NAV2: variants seen among roughly 807,000 people sequenced by gnomAD.
The protein encoded by NAV2 is neuron navigator 2.
Under a neutral mutation model 223.2 loss-of-function variants are expected in NAV2, and 54 were observed. That is an observed-to-expected ratio of 0.24 (90% confidence interval 0.19 to 0.30). The LOEUF is 0.30. Ranked by LOEUF, NAV2 falls within the 10% of genes least tolerant of loss-of-function variation. The pLI, the probability that NAV2 is intolerant of heterozygous loss-of-function variation, is 1.00. For missense variants in NAV2, 2,806 were observed against 3,147.5 expected (o/e 0.89, Z 2.60); for synonymous variants, 1,279 against 1,239.3 (o/e 1.03, Z -0.67).
chr11:19,979,668 C>G (rs1319833017), intron 10 of NAV2, among the ~76,000 whole-genome samples: 1 of 152,152 alleles, frequency 6.6e-6, no homozygotes, highest in African/African-American at 2.4e-5. Flanking sequence ...ATGTCTTAGT[C>G]CCTAGTAGGT....
At chr11:20,045,873 A>T (rs530251940) in intron 14 of NAV2, among the ~76,000 whole-genome samples, 6 of 152,328 alleles carry the variant, frequency 3.9e-5, no homozygotes, top group South Asian at 2.1e-4. Context: ...GGAATCAATC[A>T]TCTTAGAATC....
At chr11:19,853,783 G>T (rs908046475) in intron 3 of NAV2, among the ~76,000 whole-genome samples, 1 of 151,922 alleles carries the variant, frequency 6.6e-6, no homozygotes, top group Non-Finnish European at 1.5e-5. Flanking sequence ...TGAACGTCTG[G>T]GGTGATAATT....
chr11:19,805,123 A>G (rs1478996447), intron 1 of NAV2, among the ~76,000 whole-genome samples: 1 of 152,172 alleles, frequency 6.6e-6, no homozygotes, highest in African/African-American at 2.4e-5. Flanking sequence ...TCTGGCCCTC[A>G]TTTGAATCTG....
At chr11:19,922,505 C>T (rs372270837) in intron 6 of NAV2, among the ~76,000 whole-genome samples, 4 of 152,092 alleles carry the variant, frequency 2.6e-5, no homozygotes, top group African/African-American at 4.8e-5. Flanking sequence ...TTTTGAACTT[C>T]GGTATCTATT....
intron 22 of NAV2, among the ~76,000 whole-genome samples, chr11:20,071,013 C>T (rs1021405934): frequency 2.0e-5 from 3 of 151,944 alleles, no homozygotes; most frequent in African/African-American, 4.8e-5. Context: ...TGTGCAGGTT[C>T]GTTACGTACG....
intron 11 of NAV2, among the ~76,000 whole-genome samples, chr11:20,034,212 C>G (rs1226749164): frequency 6.9e-6 from 1 of 144,312 alleles, no homozygotes; most frequent in Admixed American, 7.1e-5. Flanking sequence ...TTTTCTAAGC[C>G]TCACTTTCTC....
chr11:19,547,763 G>T (rs1334764176), intron 1 of NAV2, among the ~76,000 whole-genome samples: 1 of 152,160 alleles, frequency 6.6e-6, no homozygotes, highest in Non-Finnish European at 1.5e-5. Flanking sequence ...TAATGACAAT[G>T]ATAGTGGTAG....
chr11:19,932,216 G>T (rs1233498927), intron 6 of NAV2, among the ~76,000 whole-genome samples: 1 of 105,698 alleles, frequency 9.5e-6, no homozygotes, highest in Non-Finnish European at 1.7e-5. Flanking sequence ...TGAACCCATT[G>T]CATAGATTAC....
chr11:19,538,140 T>C (rs2044240674), intron 1 of NAV2, among the ~76,000 whole-genome samples: 1 of 152,182 alleles, frequency 6.6e-6, no homozygotes. Context: ...TGGTTTGTTT[T>C]TTCTGGTTCC....
chr11:19,883,571 A>C (rs1352425351), intron 5 of NAV2, among the ~76,000 whole-genome samples: 1 of 152,194 alleles, frequency 6.6e-6, no homozygotes. Flanking sequence ...CTGTCTCTTC[A>C]CTGCCTAAGA....
At chr11:19,410,231 G>A (rs748305563) in intron 1 of NAV2, among the ~76,000 whole-genome samples, 13 of 152,176 alleles carry the variant, frequency 8.5e-5, no homozygotes, top group African/African-American at 2.2e-4. Flanking sequence ...TTTTTGTTTC[G>A]CTTCCTCCTC....
intron 6 of NAV2, among the ~76,000 whole-genome samples, chr11:19,930,675 G>A (rs907466969): frequency 9.9e-5 from 15 of 152,096 alleles, no homozygotes; most frequent in African/African-American, 3.6e-4. Context: ...CACATATTAG[G>A]AGCTCAAAGA....
chr11:19,738,215 G>A (rs894635294), intron 1 of NAV2, among the ~76,000 whole-genome samples: 77 of 152,212 alleles, frequency 5.1e-4, no homozygotes, highest in African/African-American at 1.8e-3. Flanking sequence ...CCCTCAGGGG[G>A]CCAGTGACAT....
intron 1 of NAV2, among the ~76,000 whole-genome samples, chr11:19,480,924 A>G (rs1264419077): frequency 1.3e-5 from 2 of 152,172 alleles, no homozygotes; most frequent in Non-Finnish European, 2.9e-5. Flanking sequence ...GGGACTGCTT[A>G]CTGGCTAATC....
chr11:19,599,856 T>C lies in NAV2; in HGVS notation c.76-232628T>C, dbSNP rs537149386. Among the ~76,000 whole-genome samples, 8 of 152,326 alleles carry C rather than the reference T, an allele frequency of 5.3e-5. No homozygotes were observed. The South Asian group carries it at 1.0e-3, about 20-fold the overall frequency. Reference sequence around the variant, plus strand: ...TTCCCTTCACTACGAGGGCTGATGCTCTTCTCCTGGCAGTATCTGCCCAGA... The same window carrying C: ...TTCCCTTCACTACGAGGGCTGATGCCCTTCTCCTGGCAGTATCTGCCCAGA... On this transcript the variant is annotated intron_variant, in intron 1 of 37. Transcript: ENST00000360655.
chr11:19,768,135 G>A (rs557982324), intron 1 of NAV2, among the ~76,000 whole-genome samples: 11 of 152,330 alleles, frequency 7.2e-5, no homozygotes, highest in African/African-American at 1.2e-4. Context: ...TTCTTCATCC[G>A]GGATGGGCGT....
chr11:19,511,906 C>T (rs1412251960), intron 1 of NAV2, among the ~76,000 whole-genome samples: 1 of 152,180 alleles, frequency 6.6e-6, no homozygotes, highest in African/African-American at 2.4e-5. Flanking sequence ...ACACATCAAG[C>T]CCAGCCTGAA....
intron 1 of NAV2, among the ~76,000 whole-genome samples, chr11:19,782,234 T>C (rs564367906): frequency 6.6e-6 from 1 of 152,346 alleles, no homozygotes; most frequent in South Asian, 2.1e-4. Context: ...CTGTGGGTAA[T>C]GAGCCCTCAT....
intron 1 of NAV2, among the ~76,000 whole-genome samples, chr11:19,803,742 T>C (rs1338476490): frequency 6.6e-6 from 1 of 152,254 alleles, no homozygotes; most frequent in Admixed American, 6.5e-5. Context: ...CTCATTCTTC[T>C]CCCTGCTTTT....
Sources: allele counts gnomAD v4.1 joint callset (sites outside exome capture counted in the v4.1 genomes callset), GRCh38; gene constraint gnomAD v4.1.1; transcripts MANE v1.5; gene names NCBI Gene and HGNC (gene_info 2026-07-23, HGNC 2026-07-21).